The following LY9 variants were observed in gnomAD, a reference collection of about 807,000 sequenced individuals.
The protein encoded by LY9 is T-lymphocyte surface antigen Ly-9.
LY9 carries 59 observed loss-of-function variants against 64.6 expected under a neutral mutation model. The observed-to-expected ratio is 0.91, with a 90% CI of 0.74 to 1.13. The LOEUF is 1.13. Ranked by LOEUF, LY9 falls within the 50% of genes most tolerant of loss-of-function variation. LY9 has a pLI of 0.00. For missense variants in LY9, 789 were observed against 797.2 expected, an observed-to-expected ratio of 0.99 and a Z score of 0.12; for synonymous variants, 281 against 308.5, an observed-to-expected ratio of 0.91 and a Z score of 0.93.
At chr1:160,801,810 T>C (rs1319682984) in intron 2 of LY9, 11 of 1,614,070 alleles carry the variant, frequency 6.8e-6, no homozygotes, top group East Asian at 2.2e-5. Context: ...TGAAAAGTTG[T>C]CCGTCCACGT....
At chr1:160,803,886 G>A (rs536411618) in intron 2 of LY9, among the ~76,000 whole-genome samples, 39 of 152,262 alleles carry the variant, frequency 2.6e-4, no homozygotes, top group Non-Finnish European at 4.7e-4. Flanking sequence ...GCATGTGCCT[G>A]TAGTATCAGC....
At chr1:160,817,998 A>G (rs1044398403) in intron 5 of LY9, among the ~76,000 whole-genome samples, 5 of 152,050 alleles carry the variant, frequency 3.3e-5, no homozygotes, top group Admixed American at 6.5e-5. Context: ...CAAGCCGTAA[A>G]CCTCTCTACC....
chr1:160,824,517 C>G, intron 9 of LY9: 1 of 985,154 alleles, frequency 1.0e-6, no homozygotes, highest in Non-Finnish European at 1.2e-6. Context: ...AGCTTATACA[C>G]TCAAACAAGG....
intron 7 of LY9, among the ~76,000 whole-genome samples, chr1:160,821,949 A>C (rs925770438): frequency 6.6e-5 from 10 of 152,206 alleles, no homozygotes; most frequent in African/African-American, 9.7e-5. Context: ...CTCATCTACA[A>C]AAAATAAATA....
chr1:160,823,415 A>C (rs372277238), intron 7 of LY9, 50 bp from the exon 8 acceptor site: 5 of 1,425,174 alleles, frequency 3.5e-6, no homozygotes, highest in Non-Finnish European at 4.8e-6. Context: ...CAAAGCAAGA[A>C]GAGAGGTGGG....
chr1:160,823,885 G>T (rs902514386), intron 8 of LY9, 89 bp downstream of exon 8: 3 of 1,117,540 alleles, frequency 2.7e-6, no homozygotes, highest in Non-Finnish European at 3.9e-6. Context: ...CAAACTGGGG[G>T]CTGGGGCCTG....
rs117742516 is a variant in LY9 at position 160,823,928 on chromosome 1, C to T, written c.1830+132C>T. ...GACTAGGGGCATACGGGCAGGGACT[C>T]ATGGCTGTGTCCATGTTTACCAAAC... On this transcript the variant is annotated intron_variant, in intron 8 of 9. Coordinates refer to ENST00000263285, the MANE Select transcript of LY9 (RefSeq NM_002348.4). The T allele has an allele frequency of 5.0e-6, 4 of 795,240 alleles. No homozygotes were observed. In the East Asian group the frequency reaches 7.7e-5, roughly 15 times the overall value. 49.3% of individuals were successfully genotyped at this position (795,240 alleles called of 1,614,324 possible). A position where few individuals can be genotyped will look rare whatever the true frequency, so the allele number is the denominator to read the frequency against.
chr1:160,802,188 G>C (rs1003454119), intron 2 of LY9: 6 of 1,219,968 alleles, frequency 4.9e-6, no homozygotes, highest in Non-Finnish European at 6.2e-6. Flanking sequence ...TGCCAGTGGG[G>C]TTTGTGCTTG....
At chr1:160,822,928 A>G (rs1294211318) in intron 7 of LY9, among the ~76,000 whole-genome samples, 1 of 152,154 alleles carries the variant, frequency 6.6e-6, no homozygotes, top group Non-Finnish European at 1.5e-5. Context: ...TCCACCTAGA[A>G]TACCCTTCCA....
chr1:160,805,160 T>C (rs1666858732), intron 2 of LY9, among the ~76,000 whole-genome samples: 1 of 152,150 alleles, frequency 6.6e-6, no homozygotes, highest in Admixed American at 6.5e-5. Flanking sequence ...AGTTTGTTCT[T>C]GCTTTTCTAG....
intron 4 of LY9, among the ~76,000 whole-genome samples, chr1:160,815,602 G>A (rs1409355125): frequency 6.6e-6 from 1 of 152,176 alleles, no homozygotes; most frequent in Non-Finnish European, 1.5e-5. Flanking sequence ...GGCCAGGCAA[G>A]TCTCAAACTC....
intron 9 of LY9, among the ~76,000 whole-genome samples, chr1:160,824,934 C>T (rs1668770488): frequency 6.9e-6 from 1 of 144,626 alleles, no homozygotes; most frequent in Non-Finnish European, 1.5e-5. Flanking sequence ...GAGCCAAGTT[C>T]GTGCCACTGC....
At chr1:160,797,628 C>T (rs1044594029) in intron 1 of LY9, among the ~76,000 whole-genome samples, 3 of 152,178 alleles carry the variant, frequency 2.0e-5, no homozygotes, top group South Asian at 2.1e-4. Context: ...TTAGGATGAC[C>T]TCAAATCTCA....
In LY9 at chr1:160,813,832, C is replaced by A. The variant is rs1302031943; in HGVS notation, c.651C>A (p.Asp217Glu). 1.2e-6 allele frequency: 2 copies of A among 1,614,190 alleles called. No individual in the cohort carries two copies. The highest frequency in any genetic ancestry group is 1.3e-5 in the African/African-American group (1 of 75,032). Residue 217 changes from aspartate (D) to glutamate (E), a missense_variant, in exon 3 of 10, where the codon GAC becomes GAA. Coordinates refer to ENST00000263285, the MANE Select transcript of LY9 (RefSeq NM_002348.4). ...LTVSRTPCDP[D>E]LPYICTAQNP... ...TCTCCCGAACACCATGTGACCCAGA[C>A]CTGCCATACATCTGCACAGCCCAGA... is the stretch of plus-strand genomic sequence containing the variant.
In LY9 at chr1:160,823,464, G is replaced by T; in HGVS notation, c.1499-1G>T. 6.2e-7 allele frequency: 1 copy of T among 1,604,468 alleles called. No homozygotes were observed. Among genetic ancestry groups the T allele is most frequent in the Non-Finnish European group, 8.5e-7 (1 of 1,172,412 alleles). On this transcript the variant is annotated splice_acceptor_variant, in intron 7 of 9. Coordinates refer to ENST00000263285, the MANE Select transcript of LY9 (RefSeq NM_002348.4). LOFTEE classifies it high-confidence loss of function. ...TATCAGCCCTGCACAATGTGTTCCAGAACCCACAGCTGGCCACACGCTATA... is the reference window on the plus strand; with the variant it reads ...TATCAGCCCTGCACAATGTGTTCCATAACCCACAGCTGGCCACACGCTATA...
At chr1:160,804,801 A>G (rs542737129) in intron 2 of LY9, among the ~76,000 whole-genome samples, 1 of 151,812 alleles carries the variant, frequency 6.6e-6, no homozygotes, top group African/African-American at 2.4e-5. Flanking sequence ...TCTATTTTTT[A>G]CTGATTCAGT....
chr1:160,822,698 G>T (rs1268262014), intron 7 of LY9, among the ~76,000 whole-genome samples: 2 of 152,178 alleles, frequency 1.3e-5, no homozygotes, highest in Non-Finnish European at 2.9e-5. Flanking sequence ...CACAGGCAGG[G>T]TTGACATCCA....
At chr1:160,807,816 T>C (rs1667120883) in intron 2 of LY9, among the ~76,000 whole-genome samples, 2 of 152,006 alleles carry the variant, frequency 1.3e-5, no homozygotes, top group Admixed American at 1.3e-4. Flanking sequence ...GGCAGTGGAT[T>C]GGGTTGGGCA....
In LY9 at chr1:160,813,859, C is replaced by G; in HGVS notation, c.678C>G (p.Asn226Lys). The G allele has an allele frequency of 3.1e-6, 5 of 1,614,168 alleles. No homozygotes were observed. The highest frequency in any genetic ancestry group is 4.2e-6 in the Non-Finnish European group (5 of 1,180,028). The change falls in exon 3 of 10, where the codon AAC becomes AAG. Residue 226 changes from asparagine (N) to lysine (K), a missense_variant. Transcript: ENST00000263285. ...TGCCATACATCTGCACAGCCCAGAA[C>G]CCCGTCAGCCAGAGAAGCTCCCTCC... Reference protein sequence around the residue: ...PDLPYICTAQNPVSQRSSLPV... With the variant: ...PDLPYICTAQKPVSQRSSLPV...
Sources: gnomAD v4.1 joint callset for allele counts (sites outside exome capture counted in the v4.1 genomes callset) on GRCh38, gnomAD v4.1.1 for gene constraint, MANE v1.5 for transcripts, NCBI Gene and HGNC (gene_info 2026-07-23, HGNC 2026-07-21) for gene names.